Variants in PPARGC1A observed in about 807,000 individuals in gnomAD.
The protein encoded by PPARGC1A is PPARG coactivator 1 alpha.
Under a neutral mutation model 88.7 loss-of-function variants are expected in PPARGC1A, and 25 were observed. The observed-to-expected ratio is 0.28, with a 90% CI of 0.21 to 0.39. The LOEUF is 0.39. Among genes scored for constraint, PPARGC1A ranks in the 10% least tolerant of loss-of-function variants. The pLI, the probability that PPARGC1A is intolerant of heterozygous loss-of-function variation, is 1.00. For synonymous variants in PPARGC1A, 363 were observed against 355.6 expected, an observed-to-expected ratio of 1.02 and a Z score of -0.24; for missense variants, 880 against 968.7, an observed-to-expected ratio of 0.91 and a Z score of 1.22.
chr4:24,357,486 C>G, the PPARGC1A span, among the ~76,000 whole-genome samples: 1 of 152,190 alleles, frequency 6.6e-6, no homozygotes, highest in Admixed American at 6.5e-5. Flanking sequence ...CTTTTTCCTG[C>G]CTGTTTTGCT....
the PPARGC1A span, among the ~76,000 whole-genome samples, chr4:24,135,298 C>G: frequency 6.6e-6 from 1 of 152,108 alleles, no homozygotes; most frequent in Non-Finnish European, 1.5e-5. Context: ...ATAAAATGCT[C>G]TCCAAGATTT....
At chr4:23,815,764 T>G (rs946326794) in intron 7 of PPARGC1A, among the ~76,000 whole-genome samples, 5 of 152,116 alleles carry the variant, frequency 3.3e-5, no homozygotes, top group African/African-American at 7.2e-5. Context: ...AATGGAGCAT[T>G]TTAGTTTACA....
intron 7 of PPARGC1A, among the ~76,000 whole-genome samples, chr4:23,817,414 T>C (rs1432739964): frequency 1.3e-5 from 2 of 152,160 alleles, no homozygotes; most frequent in Non-Finnish European, 2.9e-5. Flanking sequence ...ACACCTACTA[T>C]GTGCTGGATA....
At chr4:24,210,788 C>T in the PPARGC1A span, among the ~76,000 whole-genome samples, 4 of 152,184 alleles carry the variant, frequency 2.6e-5, no homozygotes, top group African/African-American at 9.7e-5. Context: ...TGCAAGCACT[C>T]TCCAGAAAGG....
At chr4:23,892,269 A>C (rs181460716), upstream of PPARGC1A, among the ~76,000 whole-genome samples, 6 of 152,302 alleles carry the variant, frequency 3.9e-5, no homozygotes, top group Admixed American at 2.0e-4. Context: ...GTGATTTCAA[A>C]TACACTTGTG....
intron 5 of PPARGC1A, among the ~76,000 whole-genome samples, chr4:23,826,059 G>A (rs564815506): frequency 1.3e-5 from 2 of 152,250 alleles, no homozygotes; most frequent in East Asian, 3.9e-4. Context: ...TTTTCAAGAG[G>A]TAGGGTAGGC....
At chr4:24,387,830 A>AAG in the PPARGC1A span, among the ~76,000 whole-genome samples, 12 of 96,608 alleles carry the variant, frequency 1.2e-4, no homozygotes, top group African/African-American at 3.5e-4. Context: ...GAAAGAGAGA[A>AAG]AGAGAGAAAG....
the PPARGC1A span, among the ~76,000 whole-genome samples, chr4:24,027,887 T>C: frequency 6.6e-6 from 1 of 152,188 alleles, no homozygotes; most frequent in South Asian, 2.1e-4. Context: ...TCAGTGCCCA[T>C]AATAATCACT....
the PPARGC1A span, among the ~76,000 whole-genome samples, chr4:24,078,557 G>A: frequency 2.1e-4 from 32 of 152,124 alleles, no homozygotes; most frequent in African/African-American, 7.7e-4. Context: ...GTGGGGGAAG[G>A]GATCAGGTCT....
chr4:24,472,663 TGCCGCCGCCGCCGCC>T, the PPARGC1A span, among the ~76,000 whole-genome samples: 2 of 151,496 alleles, frequency 1.3e-5, no homozygotes, highest in Admixed American at 1.3e-4. This position sits in a 1 kb window ranked among gnomAD's most constrained non-coding sequence, Gnocchi z 4.5. Context: ...ATGCTCGGGC[TGCCGCCGCCGCCGCC>T]GCCGCCGCCG....
At chr4:23,943,134 C>T in the PPARGC1A span, among the ~76,000 whole-genome samples, 1 of 152,134 alleles carries the variant, frequency 6.6e-6, no homozygotes, top group Non-Finnish European at 1.5e-5. Context: ...TAACTTTAGT[C>T]AACCTGAGTT....
At chr4:24,312,315 C>T in the PPARGC1A span, among the ~76,000 whole-genome samples, 2 of 152,144 alleles carry the variant, frequency 1.3e-5, no homozygotes, top group Non-Finnish European at 2.9e-5. Flanking sequence ...TGTGGCTTGC[C>T]ATTCCATTCA....
chr4:23,808,309 A>T (rs1222315230), intron 10 of PPARGC1A, among the ~76,000 whole-genome samples: 3 of 151,832 alleles, frequency 2.0e-5, no homozygotes, highest in African/African-American at 7.3e-5. Context: ...CATTTGGAAG[A>T]AGTTTATAAT....
At chr4:23,900,499 T>C (rs1577700330), upstream of PPARGC1A, among the ~76,000 whole-genome samples, 1 of 152,150 alleles carries the variant, frequency 6.6e-6, no homozygotes, top group Non-Finnish European at 1.5e-5. Flanking sequence ...TTAAAGAAAA[T>C]GTGTATAAGC....
At chr4:24,424,736 C>T in the PPARGC1A span, among the ~76,000 whole-genome samples, 2 of 152,198 alleles carry the variant, frequency 1.3e-5, no homozygotes, top group Non-Finnish European at 2.9e-5. Context: ...CATCATCTCT[C>T]ATCATTCAAT....
chr4:24,358,654 AC>A, the PPARGC1A span, among the ~76,000 whole-genome samples: 415 of 152,342 alleles, frequency 2.7e-3, 8 homozygotes, highest in African/African-American at 9.6e-3. Flanking sequence ...ACGTGGTCTT[AC>A]ATGGTCACTA....
chr4:24,113,321 T>C, the PPARGC1A span, among the ~76,000 whole-genome samples: 1 of 151,248 alleles, frequency 6.6e-6, no homozygotes, highest in Non-Finnish European at 1.5e-5. Flanking sequence ...TGGATGGAAA[T>C]GGAAAGGATA....
At chr4:23,815,618 G>A (rs951299849) in intron 7 of PPARGC1A, among the ~76,000 whole-genome samples, 4 of 152,134 alleles carry the variant, frequency 2.6e-5, no homozygotes, top group African/African-American at 9.7e-5. Context: ...AAGCGTAGTA[G>A]TTTCCTCTGT....
the PPARGC1A span, among the ~76,000 whole-genome samples, chr4:24,049,137 CGTATGTGT>C: frequency 2.0e-5 from 3 of 149,786 alleles, no homozygotes; most frequent in Non-Finnish European, 4.4e-5. Context: ...CATGTGTGTG[CGTATGTGT>C]GTGTGTGAGT....
Sources: gnomAD v4.1 joint callset for allele counts (sites outside exome capture counted in the v4.1 genomes callset) on GRCh38, gnomAD v4.1.1 for gene constraint, Gnocchi (gnomAD v3.1) non-coding constraint, MANE v1.5 for transcripts, NCBI Gene and HGNC (gene_info 2026-07-23, HGNC 2026-07-21) for gene names.